USP50: variants seen among roughly 807,000 people sequenced by gnomAD.
USP50 encodes the protein ubiquitin carboxyl-terminal hydrolase 50.
A neutral mutation model predicts 39.2 loss-of-function variants in USP50; 37 were observed. The ratio of observed to expected loss-of-function variants is 0.94; its 90% CI spans 0.73 to 1.24. The LOEUF is 1.24. Among genes scored for constraint, USP50 ranks in the 50% most tolerant of loss-of-function variants. The pLI is 0.00. For synonymous variants in USP50, 139 were observed against 144.5 expected (o/e 0.96, Z 0.27); for missense variants, 374 against 398.2 (o/e 0.94, Z 0.52).
chr15:50,522,102 A>C (rs574859711), intron 6 of USP50, among the ~76,000 whole-genome samples: 20 of 152,244 alleles, frequency 1.3e-4, no homozygotes, highest in African/African-American at 4.8e-4. Context: ...GGTACATACA[A>C]CCTACTAAGA....
At chr15:50,526,467 C>T (rs1321376283) in intron 6 of USP50, among the ~76,000 whole-genome samples, 1 of 152,114 alleles carries the variant, frequency 6.6e-6, no homozygotes, top group Non-Finnish European at 1.5e-5. Context: ...TTCTAGAAAC[C>T]AATGATTTGA....
chr15:50,506,699 T>TC (rs1432009099), intron 6 of USP50: 2 of 151,856 alleles, frequency 1.3e-5, no homozygotes, highest in African/African-American at 4.8e-5. Flanking sequence ...ATGGCTCACG[T>TC]CTATAATCTC....
chr15:50,522,354 G>A (rs1181409438), intron 6 of USP50, among the ~76,000 whole-genome samples: 1 of 152,216 alleles, frequency 6.6e-6, no homozygotes, highest in African/African-American at 2.4e-5. Flanking sequence ...GAGCCCAGGA[G>A]AAGGTTGCAG....
At chr15:50,520,726 G>A (rs1322170795) in intron 6 of USP50, among the ~76,000 whole-genome samples, 1 of 151,998 alleles carries the variant, frequency 6.6e-6, no homozygotes, top group Non-Finnish European at 1.5e-5. Flanking sequence ...AAATAAGCCA[G>A]GCACAGAAAA....
intron 6 of USP50, chr15:50,511,078 G>GATGTACACCA (rs1421728400): frequency 1.3e-5 from 2 of 152,032 alleles, no homozygotes; most frequent in Admixed American, 6.6e-5. Flanking sequence ...GTGCCCGGCC[G>GATGTACACCA]ATGTACACCA....
At chr15:50,511,280 G>A (rs2052736559) in intron 6 of USP50, 1 of 152,154 alleles carries the variant, frequency 6.6e-6, no homozygotes, top group East Asian at 1.9e-4. Context: ...TAACAAGTTC[G>A]GTTGAGGATG....
At chr15:50,497,570 GACTT>G (rs1312516801), downstream of USP50, 1 of 171,052 alleles carries the variant, frequency 5.8e-6, no homozygotes, top group Non-Finnish European at 1.2e-5. Flanking sequence ...AAGCATAACA[GACTT>G]AGTTATGTGT....
At chr15:50,545,298 C>T (rs1383317664) in intron 1 of USP50, among the ~76,000 whole-genome samples, 3 of 151,860 alleles carry the variant, frequency 2.0e-5, no homozygotes, top group African/African-American at 7.3e-5. Context: ...ACTTAACATG[C>T]ATTTTCCCAT....
chr15:50,516,062 T>G (rs76641534), intron 6 of USP50, among the ~76,000 whole-genome samples: 2,213 of 152,290 alleles, frequency 0.015, 48 homozygotes, highest in African/African-American at 0.051. Flanking sequence ...ATTAAAATGT[T>G]AAGTTGTTAT....
At chr15:50,546,008 C>T (rs897244077) in intron 1 of USP50, among the ~76,000 whole-genome samples, 2 of 151,188 alleles carry the variant, frequency 1.3e-5, no homozygotes, top group East Asian at 3.9e-4. Flanking sequence ...CCCAGACCTG[C>T]CTGCACAGAG....
At chr15:50,515,628 A>G (rs1007936119) in intron 6 of USP50, among the ~76,000 whole-genome samples, 1 of 142,200 alleles carries the variant, frequency 7.0e-6, no homozygotes, top group African/African-American at 2.7e-5. Flanking sequence ...CTCAATTGTG[A>G]TAATAGATGT....
At chr15:50,502,851 T>C (rs878873980) in intron 6 of USP50, 2 of 152,274 alleles carry the variant, frequency 1.3e-5, no homozygotes. Context: ...TAATAGTACA[T>C]TGTGACCTTA....
At position 50,506,957 on chromosome 15, in the gene USP50, C is replaced by CAAAAAAAAAAAAAAAAAA. The variant is rs58329541; in HGVS notation, c.937-6138_937-6121dup. 4.3e-5 allele frequency: 2 copies of CAAAAAAAAAAAAAAAAAA among 46,196 alleles called. 1 individual carries two copies. The highest frequency in any genetic ancestry group is 1.9e-4 in the African/African-American group (2 of 10,530). 2.9% of individuals were successfully genotyped at this position (46,196 alleles called of 1,614,324 possible). On this transcript the variant is annotated intron_variant, in intron 6 of 6. Coordinates refer to ENST00000532404, the MANE Select transcript of USP50 (RefSeq NM_203494.5). ...TGGGCGACAGAGCGAGACTTCATCT[C>CAAAAAAAAAAAAAAAAAA]AAAAAAAAAAAAAAAAAAAAAAAAA...
chr15:50,521,936 C>A (rs545199146), intron 6 of USP50, among the ~76,000 whole-genome samples: 6 of 152,296 alleles, frequency 3.9e-5, no homozygotes, highest in Admixed American at 1.3e-4. Context: ...TGCACTCCAG[C>A]CTGGGCAATA....
chr15:50,528,319 C>T (rs1301607760), intron 6 of USP50, among the ~76,000 whole-genome samples: 1 of 151,002 alleles, frequency 6.6e-6, no homozygotes, highest in Admixed American at 6.6e-5. Context: ...CCCTGTCATC[C>T]AAGCTGGAGT....
chr15:50,513,157 T>C (rs1456166087), intron 6 of USP50: 1 of 152,166 alleles, frequency 6.6e-6, no homozygotes, highest in Non-Finnish European at 1.5e-5. Context: ...TAATCACTTG[T>C]AGAAAGTTAA....
intron 6 of USP50, chr15:50,508,336 G>A (rs1321899168): frequency 2.6e-5 from 4 of 152,018 alleles, no homozygotes. Flanking sequence ...GAAGAGAGTG[G>A]GTCAGTATTA....
chr15:50,546,614 C>G lies in USP50; in HGVS notation c.-89G>C. On this transcript the variant is annotated 5_prime_UTR_variant, in exon 1 of 7. Transcript: ENST00000532404. ...ATTTCTCTGAGCCTGTTAACGCTGG[C>G]TTTTTGTTTTAAACAATTGATATGC... is the stretch of plus-strand genomic sequence containing the variant. The G allele has an allele frequency of 6.7e-7, 1 of 1,493,596 alleles. No homozygotes were observed. The allele number at this position is 1,493,596 out of a possible 1,614,324, so 92.5% of individuals were successfully genotyped here. A position where few individuals can be genotyped will look rare whatever the true frequency, so the allele number is the denominator to read the frequency against.
chr15:50,495,870 A>G, downstream of USP50: 1 of 1,613,600 alleles, frequency 6.2e-7, no homozygotes, highest in Non-Finnish European at 8.5e-7. Flanking sequence ...AAGAGATATA[A>G]AGAAGAAAAT....
Sources: gnomAD v4.1 joint callset for allele counts (sites outside exome capture counted in the v4.1 genomes callset) on GRCh38, gnomAD v4.1.1 for gene constraint, MANE v1.5 for transcripts, NCBI Gene and HGNC (gene_info 2026-07-23, HGNC 2026-07-21) for gene names.